Variants in ADGRV1 observed in about 807,000 individuals in gnomAD.
The protein encoded by ADGRV1 is G-protein coupled receptor 98.
A neutral mutation model predicts 596.2 loss-of-function variants in ADGRV1; 359 were observed. The ratio of observed to expected loss-of-function variants is 0.60; its 90% confidence interval spans 0.55 to 0.66. The LOEUF (loss-of-function observed/expected upper bound fraction) is 0.66. ADGRV1 is among the 30% of genes least tolerant of loss of function. ADGRV1 has a pLI of 0.00. For missense variants in ADGRV1, 7,274 were observed against 7,575.6 expected (o/e 0.96, Z 1.48); for synonymous variants, 2,681 against 2,679.2 (o/e 1.00, Z -0.02).
At chr5:91,086,112 C>T (rs967936780) in intron 86 of ADGRV1, among the ~76,000 whole-genome samples, 9 of 152,168 alleles carry the variant, frequency 5.9e-5, no homozygotes, top group Non-Finnish European at 1.2e-4. Flanking sequence ...AAGTATTTTC[C>T]TGCTAACTCC....
intron 1 of ADGRV1, among the ~76,000 whole-genome samples, chr5:90,583,631 T>C (rs1758358630): frequency 6.6e-6 from 1 of 152,256 alleles, no homozygotes; most frequent in Non-Finnish European, 1.5e-5. Flanking sequence ...TTTGTTCTGT[T>C]GAGGTATCAT....
At chr5:90,979,628 G>A (rs995207836) in intron 84 of ADGRV1, among the ~76,000 whole-genome samples, 12 of 152,188 alleles carry the variant, frequency 7.9e-5, no homozygotes, top group African/African-American at 2.7e-4. Context: ...GGCATGGTAA[G>A]ATGACTTGTA....
chr5:91,009,520 A>T (rs931638726), intron 85 of ADGRV1, among the ~76,000 whole-genome samples: 1 of 152,084 alleles, frequency 6.6e-6, no homozygotes, highest in Non-Finnish European at 1.5e-5. Flanking sequence ...TTTATTTTTT[A>T]TTCTAAATGT....
intron 84 of ADGRV1, among the ~76,000 whole-genome samples, chr5:90,984,377 C>G (rs557858500): frequency 6.6e-6 from 1 of 152,170 alleles, no homozygotes; most frequent in East Asian, 1.9e-4. Flanking sequence ...TATGAGCATT[C>G]CTTATGGAAA....
chr5:91,092,110 C>CT (rs1029147908), intron 86 of ADGRV1, among the ~76,000 whole-genome samples: 5 of 151,782 alleles, frequency 3.3e-5, no homozygotes, highest in East Asian at 1.9e-4. Context: ...CTGAGATGTC[C>CT]TTTTTTTTGA....
chr5:90,790,847 T>C (rs1201708939), intron 69 of ADGRV1, 26 bp from the exon 70 acceptor site: 1 of 1,470,376 alleles, frequency 6.8e-7, no homozygotes, highest in East Asian at 2.3e-5. Flanking sequence ...TATATAACTT[T>C]GTTGAGTTTT....
At chr5:90,773,364 G>T (rs1757894749) in intron 59 of ADGRV1, among the ~76,000 whole-genome samples, 1 of 151,972 alleles carries the variant, frequency 6.6e-6, no homozygotes, top group Non-Finnish European at 1.5e-5. Flanking sequence ...ACCATTTGTT[G>T]TCCAGTAGAA....
At chr5:90,895,358 G>C (rs892719635) in intron 83 of ADGRV1, among the ~76,000 whole-genome samples, 1 of 152,210 alleles carries the variant, frequency 6.6e-6, no homozygotes, top group African/African-American at 2.4e-5. Context: ...TTGAAGGGAT[G>C]TGGGGTCAGA....
chr5:90,581,033 C>T (rs1030147686), intron 1 of ADGRV1, among the ~76,000 whole-genome samples: 1 of 152,118 alleles, frequency 6.6e-6, no homozygotes, highest in African/African-American at 2.4e-5. Context: ...CTTTCTTCCC[C>T]TTGATCGAAT....
In ADGRV1 at chr5:90,978,047, A is replaced by G. The variant is rs1779763189; in HGVS notation, c.17974-7297A>G. On this transcript the variant is annotated intron_variant, in intron 84 of 89. Transcript: ENST00000405460. The stretch of plus-strand genomic sequence containing the variant: ...CACGGTAGCTCAAGCCTGTAATCCA[A>G]GCACTTTGGGAGGCCGAGGTGGGGG... 3.3e-5 allele frequency among the ~76,000 whole-genome samples: 5 copies of G among 152,240 alleles called. No individual in the cohort carries two copies. In the South Asian group the frequency reaches 8.3e-4, roughly 25 times the overall value.
chr5:90,992,238 G>A (rs1781030664), intron 85 of ADGRV1, among the ~76,000 whole-genome samples: 1 of 152,200 alleles, frequency 6.6e-6, no homozygotes, highest in South Asian at 2.1e-4. Context: ...TCAAAGGCCT[G>A]TTAACTCCTT....
Position 90,658,229 on chromosome 5 carries a change from G to A in ADGRV1, c.4703G>A (p.Ser1568Asn), listed in dbSNP as rs758104018. Residue 1568 changes from serine to asparagine, a missense_variant, in exon 21 of 90, where the codon AGT becomes AAT. By Grantham distance (46) the Ser-to-Asn change is conservative. Transcript: ENST00000405460. ...NTTARLTIQK[S>N]DNANGLFGFT... ...ACTGCAAGATTAACAATACAAAAAA[G>A]TGACAATGCAAATGGCTTGTTTGGT... 2.5e-5 allele frequency: 39 copies of A among 1,545,912 alleles called. No homozygotes were observed. The East Asian group carries it at 8.1e-4, about 32-fold the overall frequency.
chr5:90,791,243 C>T lies in ADGRV1; in HGVS notation c.14414C>T (p.Ser4805Leu), dbSNP rs376076666. Reference sequence around the variant, plus strand: ...GTGGCTGTTGGGCTTCGAATATCATCGGATCATAAAGAACAGCCGATTGTT... The same window carrying T: ...GTGGCTGTTGGGCTTCGAATATCATTGGATCATAAAGAACAGCCGATTGTT... ...GDVAVGLRIS[S>L]DHKEQPIVTE... Residue 4805 changes from serine (S) to leucine (L), a missense_variant, in exon 70 of 90, where the codon TCG becomes TTG. By Grantham distance (145) the Ser-to-Leu change is moderately radical. Around this residue, in one of 5 missense-constraint regions of ADGRV1, gnomAD observed 1,874 missense variants for 1,970.2 expected, o/e 0.95. Transcript: ENST00000405460. 28 of 1,612,536 alleles carry T rather than the reference C, an allele frequency of 1.7e-5. No homozygotes were observed. Among genetic ancestry groups the T allele is most frequent in the African/African-American group, 1.6e-4 (12 of 74,894 alleles).
At chr5:90,566,657 CAATT>C (rs1444779603) in intron 1 of ADGRV1, among the ~76,000 whole-genome samples, 16 of 151,966 alleles carry the variant, frequency 1.1e-4, no homozygotes, top group Admixed American at 1.0e-3. Context: ...ATAGAAATAA[CAATT>C]GATTCTTGTA....
At chr5:91,065,204 T>G (rs1365378838) in intron 85 of ADGRV1, among the ~76,000 whole-genome samples, 4 of 152,186 alleles carry the variant, frequency 2.6e-5, no homozygotes, top group African/African-American at 9.7e-5. Flanking sequence ...AATTTCCATG[T>G]AGAGAAGAAA....
intron 86 of ADGRV1, among the ~76,000 whole-genome samples, chr5:91,075,017 C>T (rs1405167304): frequency 6.6e-6 from 1 of 152,122 alleles, no homozygotes; most frequent in Non-Finnish European, 1.5e-5. Context: ...ATTTTGCCCA[C>T]TTTTTAATGG....
intron 77 of ADGRV1, among the ~76,000 whole-genome samples, chr5:90,831,235 C>CTATA (rs934453478): frequency 2.7e-5 from 4 of 147,294 alleles, no homozygotes; most frequent in African/African-American, 7.5e-5. Context: ...CTCTCTCTCT[C>CTATA]TATATATATA....
At chr5:90,801,331 G>A (rs996438179) in intron 70 of ADGRV1, among the ~76,000 whole-genome samples, 3 of 152,098 alleles carry the variant, frequency 2.0e-5, no homozygotes, top group African/African-American at 4.8e-5. Context: ...GTGTGTACCG[G>A]ATGGGCCTGT....
intron 24 of ADGRV1, 55 bp downstream of exon 24, chr5:90,675,500 CCTT>C: frequency 6.8e-7 from 1 of 1,476,078 alleles, no homozygotes; most frequent in Non-Finnish European, 9.3e-7. Flanking sequence ...CAGACATAAT[CCTT>C]CTCTGGAAGG....
Sources: allele counts gnomAD v4.1 joint callset (sites outside exome capture counted in the v4.1 genomes callset), GRCh38; gene constraint gnomAD v4.1.1; regional missense constraint gnomAD v4.1.1; transcripts MANE v1.5; gene names NCBI Gene and HGNC (gene_info 2026-07-23, HGNC 2026-07-21).